MYO15A: variants seen among roughly 807,000 people sequenced by gnomAD.
MYO15A encodes myosin XVA.
MYO15A carries 308 observed loss-of-function variants against 394.6 expected under a neutral mutation model. That is an observed-to-expected ratio of 0.78 (90% CI 0.71 to 0.86). The LOEUF (loss-of-function observed/expected upper bound fraction) is 0.86. MYO15A is among the 40% of genes least tolerant of loss of function. The pLI, the probability that MYO15A is intolerant of heterozygous loss-of-function variation, is 0.00. For synonymous variants in MYO15A, 1,957 were observed against 2,003.8 expected, an observed-to-expected ratio of 0.98 and a Z score of 0.62; for missense variants, 4,606 against 4,799.1, an observed-to-expected ratio of 0.96 and a Z score of 1.19.
At chr17:18,149,172 G>A (rs1210562003) in intron 33 of MYO15A, 44 bp from the exon 34 acceptor site, 15 of 1,611,758 alleles carry the variant, frequency 9.3e-6, no homozygotes, top group Non-Finnish European at 1.3e-5. Context: ...GGGATTCTGG[G>A]ATCTCTCTGG....
chr17:18,124,677 G>A (rs746197971), intron 3 of MYO15A, 112 bp downstream of exon 3: 31 of 1,024,768 alleles, frequency 3.0e-5, no homozygotes, highest in Admixed American at 4.2e-5. Context: ...CATTTTCAGA[G>A]CCTCAGTCAT....
At chr17:18,125,289 G>C (rs2046012652) in intron 4 of MYO15A, 58 bp downstream of exon 4, 1 of 1,527,884 alleles carries the variant, frequency 6.5e-7, no homozygotes, top group South Asian at 1.1e-5. Context: ...CTGCCTCCTG[G>C]GGCCGGGTGG....
In MYO15A at chr17:18,130,817, AGTGTGTGT is replaced by A. The variant is rs59214589; in HGVS notation, c.4038+54_4038+61del. ...GACGCTCTTGAAGATAAAGGTACTC[AGTGTGTGT>A]GTGTGTGTGTGTGTGTGTGTGTGTG... On this transcript the variant is annotated splice_region_variant and intron_variant, in intron 8 of 65. Coordinates refer to ENST00000647165, the MANE Select transcript of MYO15A (RefSeq NM_016239.4). The A allele has an allele frequency of 5.6e-3, 6,655 of 1,190,914 alleles. 13 individuals carry two copies. The highest frequency in any genetic ancestry group is 0.023 in the East Asian group (904 of 38,618). The allele number at this position is 1,190,914 out of a possible 1,614,324, so 73.8% of individuals were successfully genotyped here.
chr17:18,167,830 CTCTT>C, intron 62 of MYO15A, 107 bp downstream of exon 62: 2 of 1,517,244 alleles, frequency 1.3e-6, no homozygotes, highest in Non-Finnish European at 1.8e-6. Context: ...TCAGGCTCCC[CTCTT>C]ATACCAGTGG....
chr17:18,165,231 A>G (rs955896693), intron 60 of MYO15A: 12 of 152,038 alleles, frequency 7.9e-5, no homozygotes, highest in African/African-American at 2.4e-4. Flanking sequence ...TTAGTTTTCT[A>G]TTGTTGCTAT....
At chr17:18,174,350 C>T (rs1354813631) in intron 65 of MYO15A, among the ~76,000 whole-genome samples, 4 of 152,006 alleles carry the variant, frequency 2.6e-5, no homozygotes, top group Admixed American at 6.6e-5. Context: ...AAACAGGCAC[C>T]GTGGCTCATG....
At chr17:18,128,768 A>C (rs1277278483) in intron 7 of MYO15A, among the ~76,000 whole-genome samples, 1 of 152,192 alleles carries the variant, frequency 6.6e-6, no homozygotes, top group Admixed American at 6.5e-5. Context: ...AGATGGGAAC[A>C]CTGAGGCCTA....
At chr17:18,133,472 AT>A in intron 12 of MYO15A, 86 bp downstream of exon 12, 2 of 1,543,164 alleles carry the variant, frequency 1.3e-6, no homozygotes, top group Non-Finnish European at 8.9e-7. Flanking sequence ...TCCCTTTCAG[AT>A]TACACTATGC....
intron 1 of MYO15A, chr17:18,109,113 G>C (rs1294203970): frequency 6.6e-5 from 10 of 152,360 alleles, no homozygotes; most frequent in Non-Finnish European, 1.5e-4. Context: ...GAGGGTTTCT[G>C]CCTGGCTGGT....
At position 18,126,456 on chromosome 17, in the gene MYO15A, CGTGAGT is replaced by C; in HGVS notation, c.3866+3_3866+8del. ...GGACGGGCCCTGGGAGAGAATCCCC[CGTGAGT>C]GTCTCGGGGGCGCTGCCCTGGGGTC... On this transcript the variant is annotated splice_donor_variant and splice_donor_5th_base_variant and intron_variant, in intron 5 of 65. Coordinates refer to ENST00000647165, the MANE Select transcript of MYO15A (RefSeq NM_016239.4). LOFTEE classifies it high-confidence loss of function. 1 of 1,613,560 alleles carries C rather than the reference CGTGAGT, an allele frequency of 6.2e-7. No individual in the cohort carries two copies. The highest frequency in any genetic ancestry group is 8.5e-7 in the Non-Finnish European group (1 of 1,179,774).
Position 18,148,942 on chromosome 17 carries a change from G to A in MYO15A, c.6946G>A (p.Gly2316Ser), listed in dbSNP as rs2046530981. 1 of 1,597,466 alleles carries A rather than the reference G, an allele frequency of 6.3e-7. No individual in the cohort carries two copies. The highest frequency in any genetic ancestry group is 8.5e-7 in the Non-Finnish European group (1 of 1,172,164). ...AGAGGGGCCTGCAGCCAGCAGGGGA[G>A]GCCCCAAAGTGTAGGTAGCTATGGG... ...GTEGPAASRGGPKVVFGNSWD... is the reference protein window; with the variant it reads ...GTEGPAASRGSPKVVFGNSWD... Residue 2316 changes from glycine to serine, a missense_variant, in exon 33 of 66, where the codon GGC becomes AGC. By Grantham distance (56) the Gly-to-Ser change is moderately conservative. Coordinates refer to ENST00000647165, the MANE Select transcript of MYO15A (RefSeq NM_016239.4). The surrounding 1 kb of genome is among the most constrained non-coding windows in gnomAD (Gnocchi z 4.8).
chr17:18,141,621 T>G (rs377568636), intron 22 of MYO15A, 32 bp from the exon 23 acceptor site: 8 of 1,603,114 alleles, frequency 5.0e-6, no homozygotes, highest in Non-Finnish European at 6.8e-6. Flanking sequence ...GTAGGTCTCA[T>G]AGCCCCAGAC....
At position 18,120,858 on chromosome 17, in the gene MYO15A, C is replaced by T; in HGVS notation, c.2058C>T (p.Gly686=). 1 of 1,225,042 alleles carries T rather than the reference C, an allele frequency of 8.2e-7. No homozygotes were observed. Among genetic ancestry groups the T allele is most frequent in the South Asian group, 2.2e-5 (1 of 44,880 alleles). The allele number at this position is 1,225,042 out of a possible 1,614,324, so 75.9% of individuals were successfully genotyped here. A position where few individuals can be genotyped will look rare whatever the true frequency, so the allele number is the denominator to read the frequency against. ...CGCCGCTCTCCCCGGCGCTCTCGGG[C>T]CTGCCCCGGCCGGCCTCGCCCTACG... ...PAPPLSPALS[G]LPRPASPYGS... is the part of the protein sequence containing the mutation. Residue 686 remains glycine, a synonymous_variant, in exon 2 of 66, where the codon GGC becomes GGT. Coordinates refer to ENST00000647165, the MANE Select transcript of MYO15A (RefSeq NM_016239.4).
intron 44 of MYO15A, 111 bp from the exon 45 acceptor site, chr17:18,154,569 C>A: frequency 9.0e-7 from 1 of 1,111,672 alleles, no homozygotes; most frequent in Non-Finnish European, 1.4e-6. Flanking sequence ...GATGACCCCA[C>A]TGCTGCAAAA....
chr17:18,142,296 C>A, intron 24 of MYO15A, 42 bp downstream of exon 24: 2 of 1,594,502 alleles, frequency 1.3e-6, no homozygotes, highest in South Asian at 2.2e-5. Flanking sequence ...GACCTATGGT[C>A]AGGCTCGGGA....
chr17:18,113,797 G>GACACACACACACACACACACACAC (rs4025536), intron 1 of MYO15A, among the ~76,000 whole-genome samples: 1 of 138,860 alleles, frequency 7.2e-6, no homozygotes, highest in African/African-American at 2.9e-5. Flanking sequence ...CACCTCCCCT[G>GACACACACACACACACACACACAC]ACACACACAC....
At chr17:18,144,215 C>T (rs1008235801) in intron 28 of MYO15A, among the ~76,000 whole-genome samples, 3 of 152,240 alleles carry the variant, frequency 2.0e-5, no homozygotes, top group Non-Finnish European at 4.4e-5. Context: ...TTACCACCAA[C>T]CAGTCTGGAA....
At chr17:18,164,045 C>A in intron 60 of MYO15A, 1 of 615,726 alleles carries the variant, frequency 1.6e-6, no homozygotes, top group Non-Finnish European at 2.9e-6. Flanking sequence ...GTTTGCCTCA[C>A]CTTATGATGA....
Position 18,120,327 on chromosome 17 carries a change from T to C in MYO15A, c.1527T>C (p.Asp509=), listed in dbSNP as rs371331182. The C allele has an allele frequency of 1.8e-5, 29 of 1,612,268 alleles. No individual in the cohort carries two copies. The African/African-American group carries it at 3.9e-4, about 21-fold the overall frequency. The change falls in exon 2 of 66, where the codon GAT becomes GAC. Residue 509 remains aspartate (D), a synonymous_variant. Transcript: ENST00000647165. ...TGGACATTCCTCTCCCCTTGGGGGATGCGGACGAAGAAGAGGACGAGGAGG... is the reference window on the plus strand; with the variant it reads ...TGGACATTCCTCTCCCCTTGGGGGACGCGGACGAAGAAGAGGACGAGGAGG... The part of the protein sequence containing the change: ...PSLDIPLPLG[D]ADEEEDEEEL...
Sources: allele counts gnomAD v4.1 joint callset (sites outside exome capture counted in the v4.1 genomes callset), GRCh38; gene constraint gnomAD v4.1.1; non-coding constraint Gnocchi (gnomAD v3.1); transcripts MANE v1.5; gene names NCBI Gene and HGNC (gene_info 2026-07-23, HGNC 2026-07-21).